LDLRAD4: variants seen among roughly 807,000 people sequenced by gnomAD.
LDLRAD4 encodes the protein low density lipoprotein receptor class A domain containing 4.
Under a neutral mutation model 17.0 loss-of-function variants are expected in LDLRAD4, and 5 were observed. The observed-to-expected ratio is 0.29, with a 90% confidence interval of 0.15 to 0.62. The LOEUF (loss-of-function observed/expected upper bound fraction) is 0.62, where lower values mean the gene tolerates loss of function less well. Ranked by LOEUF, LDLRAD4 falls within the 20% of genes least tolerant of loss-of-function variation. The pLI is 0.84. For missense variants in LDLRAD4, 340 were observed against 424.7 expected, an observed-to-expected ratio of 0.80 and a Z score of 1.75; for synonymous variants, 168 against 171.8, an observed-to-expected ratio of 0.98 and a Z score of 0.17.
At chr18:13,233,923 C>T (rs1366621281) in intron 1 of LDLRAD4, among the ~76,000 whole-genome samples, 1 of 152,162 alleles carries the variant, frequency 6.6e-6, no homozygotes, top group Non-Finnish European at 1.5e-5. Flanking sequence ...GTCACTCCCT[C>T]ACTGTCCCAT....
intron 1 of LDLRAD4, among the ~76,000 whole-genome samples, chr18:13,262,459 TCTGTGCGTGGGGGCTGAGTCCCGTGC>T (rs2043919796): frequency 9.2e-5 from 6 of 65,318 alleles, no homozygotes; most frequent in African/African-American, 4.0e-4. Flanking sequence ...CCCGTGCGGC[TCTGTGCGTGGGGGCTGAGTCCCGTGC>T]GGCCCTGTGC....
intron 3 of LDLRAD4, among the ~76,000 whole-genome samples, chr18:13,511,854 T>C (rs1208048314): frequency 1.3e-5 from 2 of 152,216 alleles, no homozygotes; most frequent in African/African-American, 4.8e-5. Context: ...CCTCTCTGTT[T>C]GCTCAGCTTA....
intron 3 of LDLRAD4, among the ~76,000 whole-genome samples, chr18:13,509,156 AAAAC>A (rs1411968131): frequency 1.3e-5 from 2 of 152,202 alleles, no homozygotes; most frequent in Non-Finnish European, 1.5e-5. Flanking sequence ...ATTTAAAACA[AAAAC>A]AAAAACAGCC....
chr18:13,476,273 T>C (rs149481436), intron 3 of LDLRAD4, among the ~76,000 whole-genome samples: 19 of 152,290 alleles, frequency 1.2e-4, no homozygotes, highest in Admixed American at 5.2e-4. Flanking sequence ...AATGAAGTCC[T>C]CAGTGTTTAA....
At chr18:13,270,063 G>T (rs536737298) in intron 1 of LDLRAD4, among the ~76,000 whole-genome samples, 1 of 152,266 alleles carries the variant, frequency 6.6e-6, no homozygotes, top group South Asian at 2.1e-4. Context: ...TCTCCTGGGG[G>T]CTTGCTAGAA....
chr18:13,459,159 C>CAAAAAAAAAAAAAA (rs534798084), intron 3 of LDLRAD4, among the ~76,000 whole-genome samples: 3 of 53,732 alleles, frequency 5.6e-5, no homozygotes, highest in African/African-American at 1.2e-4. Context: ...ATCTCTACAC[C>CAAAAAAAAAAAAAA]AAAAAAAAAA....
intron 3 of LDLRAD4, among the ~76,000 whole-genome samples, chr18:13,584,252 C>T (rs1361743361): frequency 3.9e-5 from 6 of 152,218 alleles, no homozygotes; most frequent in Non-Finnish European, 8.8e-5. Flanking sequence ...GACAGTCTTT[C>T]CCCCTGGAAT....
At chr18:13,496,670 T>C (rs1224001209) in intron 3 of LDLRAD4, among the ~76,000 whole-genome samples, 2 of 152,224 alleles carry the variant, frequency 1.3e-5, no homozygotes, top group Non-Finnish European at 2.9e-5. Context: ...AATCTGACTC[T>C]TGGTTCTGGT....
chr18:13,248,050 T>C (rs1419852713), intron 1 of LDLRAD4, among the ~76,000 whole-genome samples: 1 of 141,306 alleles, frequency 7.1e-6, no homozygotes. Flanking sequence ...AACCTCCACC[T>C]CCCAGGATCA....
upstream of LDLRAD4, among the ~76,000 whole-genome samples, chr18:13,276,268 A>G (rs2044862497): frequency 6.6e-6 from 1 of 152,178 alleles, no homozygotes; most frequent in South Asian, 2.1e-4. Context: ...TCGGCCTCAC[A>G]AAGTACAGGA....
upstream of LDLRAD4, among the ~76,000 whole-genome samples, chr18:13,276,369 G>A (rs999226119): frequency 6.6e-6 from 1 of 152,182 alleles, no homozygotes; most frequent in Non-Finnish European, 1.5e-5. Context: ...ATAAACTTAG[G>A]AGCTGAAAAC....
intron 3 of LDLRAD4, among the ~76,000 whole-genome samples, chr18:13,484,470 G>C (rs1344284363): frequency 2.6e-5 from 4 of 152,146 alleles, no homozygotes; most frequent in Non-Finnish European, 1.5e-5. Context: ...AAAATTAGCT[G>C]GGTTCGGTGG....
At chr18:13,237,379 G>T (rs1454693138) in intron 1 of LDLRAD4, among the ~76,000 whole-genome samples, 1 of 152,168 alleles carries the variant, frequency 6.6e-6, no homozygotes, top group African/African-American at 2.4e-5. Flanking sequence ...CACCGTAGAT[G>T]GTCTCTTAGT....
At chr18:13,585,923 A>T (rs1325367372) in intron 3 of LDLRAD4, among the ~76,000 whole-genome samples, 1 of 152,218 alleles carries the variant, frequency 6.6e-6, no homozygotes. Context: ...CTCTTAAATG[A>T]ACTTGTCCAT....
intron 1 of LDLRAD4, among the ~76,000 whole-genome samples, chr18:13,283,060 G>A (rs377469568): frequency 1.4e-3 from 219 of 152,286 alleles, no homozygotes; most frequent in African/African-American, 4.8e-3. Flanking sequence ...GGGACACAGG[G>A]CACCAAGTCC....
intron 1 of LDLRAD4, among the ~76,000 whole-genome samples, chr18:13,344,147 A>G (rs1482803318): frequency 7.9e-5 from 12 of 152,214 alleles, no homozygotes; most frequent in Admixed American, 7.9e-4. Flanking sequence ...TTAAACATGA[A>G]GTCCTTGCCC....
intron 2 of LDLRAD4, among the ~76,000 whole-genome samples, chr18:13,403,946 G>C (rs1321045349): frequency 6.6e-6 from 1 of 152,224 alleles, no homozygotes; most frequent in Non-Finnish European, 1.5e-5. Context: ...TCCCGGGGAG[G>C]CACCCAGCCT....
At chr18:13,237,111 T>G (rs1416298821) in intron 1 of LDLRAD4, among the ~76,000 whole-genome samples, 1 of 152,264 alleles carries the variant, frequency 6.6e-6, no homozygotes, top group African/African-American at 2.4e-5. Flanking sequence ...GCATGCTGGC[T>G]TGGGCTCTGG....
intron 1 of LDLRAD4, among the ~76,000 whole-genome samples, chr18:13,354,133 C>T (rs968736341): frequency 1.3e-5 from 2 of 152,026 alleles, no homozygotes; most frequent in African/African-American, 4.8e-5. Flanking sequence ...CAGTTAAGCC[C>T]AAGAGTTCGA....
Sources: allele counts gnomAD v4.1 joint callset (sites outside exome capture counted in the v4.1 genomes callset), GRCh38; gene constraint gnomAD v4.1.1; transcripts MANE v1.5; gene names NCBI Gene and HGNC (gene_info 2026-07-23, HGNC 2026-07-21).